Variants in SPOCK3 observed in about 807,000 individuals in gnomAD.
SPOCK3 encodes the protein SPARC (osteonectin), cwcv and kazal like domains proteoglycan 3, also known as testican-3.
A neutral mutation model predicts 56.6 loss-of-function variants in SPOCK3; 30 were observed. The observed-to-expected ratio is 0.53, with a 90% CI of 0.40 to 0.72. The LOEUF (loss-of-function observed/expected upper bound fraction) is 0.72. SPOCK3 is among the 30% of genes least tolerant of loss of function. The pLI, the probability that SPOCK3 is intolerant of heterozygous loss-of-function variation, is 0.00. For missense variants in SPOCK3, 527 were observed against 530.0 expected (o/e 0.99, Z 0.06); for synonymous variants, 196 against 183.3 (o/e 1.07, Z -0.56).
chr4:167,121,385 T>A (rs1761851924), intron 2 of SPOCK3, among the ~76,000 whole-genome samples: 1 of 151,990 alleles, frequency 6.6e-6, no homozygotes, highest in Non-Finnish European at 1.5e-5. Context: ...TCAATTGTAT[T>A]TTCCCTTGAG....
chr4:166,747,081 C>T (rs1354869111), intron 8 of SPOCK3, among the ~76,000 whole-genome samples: 1 of 55,450 alleles, frequency 1.8e-5, no homozygotes, highest in African/African-American at 6.7e-5. Flanking sequence ...ACCATTCCTT[C>T]TGAAACTATT....
chr4:167,067,505 A>G (rs1044206518), intron 2 of SPOCK3, among the ~76,000 whole-genome samples: 2 of 151,874 alleles, frequency 1.3e-5, no homozygotes, highest in African/African-American at 4.8e-5. Context: ...TTCTAAGCAA[A>G]TATGACAGTC....
intron 2 of SPOCK3, among the ~76,000 whole-genome samples, chr4:167,222,219 G>A (rs1735991841): frequency 1.3e-5 from 2 of 151,942 alleles, no homozygotes. Flanking sequence ...AAATACTGTT[G>A]TTCCACCTAT....
intron 6 of SPOCK3, among the ~76,000 whole-genome samples, chr4:166,874,870 C>T (rs2126959005): frequency 6.6e-6 from 1 of 152,204 alleles, no homozygotes; most frequent in East Asian, 1.9e-4. Flanking sequence ...TTTGCCTGAC[C>T]TAGTTAAGTA....
chr4:166,912,443 C>A (rs1350145168), intron 5 of SPOCK3, among the ~76,000 whole-genome samples, 177 bp downstream of exon 5: 1 of 150,816 alleles, frequency 6.6e-6, no homozygotes, highest in African/African-American at 2.4e-5. Context: ...CTTAAAAATT[C>A]TGATATAGAA....
rs183235456 is a variant in SPOCK3, at chr4:167,197,616, A to G, written c.189+36369T>C. Among the ~76,000 whole-genome samples, 1,430 of 152,224 alleles carry G rather than the reference A, an allele frequency of 9.4e-3. 15 individuals are homozygous for G. The highest frequency in any genetic ancestry group is 0.013 in the Non-Finnish European group (892 of 68,018). ...TCTTCATTGCCTTCAACCAGAAAAA[A>G]AAAAAATCCCACAAAAGTGGGAATA... On this transcript the variant is annotated intron_variant, in intron 2 of 10. Transcript: ENST00000357545.
chr4:167,050,236 C>G (rs892395674), intron 3 of SPOCK3, among the ~76,000 whole-genome samples: 1 of 152,100 alleles, frequency 6.6e-6, no homozygotes, highest in African/African-American at 2.4e-5. Flanking sequence ...ACTCTTTCTA[C>G]ACAAAATTCT....
At chr4:166,869,081 C>T (rs191733455) in intron 6 of SPOCK3, among the ~76,000 whole-genome samples, 1 of 149,762 alleles carries the variant, frequency 6.7e-6, no homozygotes, top group South Asian at 2.1e-4. Flanking sequence ...CAAAGCTGCT[C>T]CCAGGCTAAT....
chr4:166,777,835 C>G (rs1739738177), intron 7 of SPOCK3, among the ~76,000 whole-genome samples: 1 of 152,076 alleles, frequency 6.6e-6, no homozygotes, highest in Admixed American at 6.6e-5. Flanking sequence ...TTGGGTTTTC[C>G]CTCTCAACCA....
chr4:167,231,955 C>G (rs940257934), intron 2 of SPOCK3, among the ~76,000 whole-genome samples: 6 of 152,062 alleles, frequency 3.9e-5, no homozygotes, highest in African/African-American at 1.4e-4. Flanking sequence ...GTTGCATATA[C>G]TTCAAAACAG....
chr4:167,182,737 C>T (rs1217146547), intron 2 of SPOCK3, among the ~76,000 whole-genome samples: 1 of 152,074 alleles, frequency 6.6e-6, no homozygotes, highest in Non-Finnish European at 1.5e-5. Flanking sequence ...AGGGTTTCAC[C>T]ATATTAGTTA....
At chr4:167,162,770 T>G (rs1765430368) in intron 2 of SPOCK3, among the ~76,000 whole-genome samples, 12 of 152,060 alleles carry the variant, frequency 7.9e-5, no homozygotes. Context: ...TCTCGACTTT[T>G]TTTTATATGA....
At chr4:166,862,437 T>C (rs768074326) in intron 6 of SPOCK3, among the ~76,000 whole-genome samples, 3 of 152,062 alleles carry the variant, frequency 2.0e-5, no homozygotes, top group Admixed American at 6.6e-5. Context: ...ACAAGTGACA[T>C]GACATTGAGA....
chr4:167,165,557 C>A (rs2150451781), intron 2 of SPOCK3, among the ~76,000 whole-genome samples: 1 of 152,036 alleles, frequency 6.6e-6, no homozygotes, highest in East Asian at 1.9e-4. Flanking sequence ...TCAGGATCAC[C>A]AATTCTAAAC....
chr4:166,907,328 T>C (rs988035362), intron 5 of SPOCK3, among the ~76,000 whole-genome samples: 2 of 151,978 alleles, frequency 1.3e-5, no homozygotes, highest in Non-Finnish European at 2.9e-5. Context: ...GGGGTGGAGG[T>C]ATCCTGGAGC....
Position 166,792,182 on chromosome 4 carries a change from G to T in SPOCK3, c.697C>A (p.Pro233Thr). Residue 233 changes from proline to threonine, a missense_variant, in exon 7 of 11, where the codon CCT (proline) becomes ACT (threonine). Physicochemically the swap from Pro to Thr is conservative, Grantham distance 38. Transcript: ENST00000357545. ...TTAGAAATCTTACTGCTTCTCTCAGGCCTCAGCAATGTTTTTGTCTTCTTG... is the reference window on the plus strand; with the variant it reads ...TTAGAAATCTTACTGCTTCTCTCAGTCCTCAGCAATGTTTTTGTCTTCTTG... ...QNKKTKTLLR[P>T]ERSRFDTSIL... 6.2e-7 allele frequency: 1 copy of T among 1,613,694 alleles called. No homozygotes were observed. Among genetic ancestry groups the T allele is most frequent in the Non-Finnish European group, 8.5e-7 (1 of 1,179,772 alleles).
chr4:166,919,008 C>G (rs569305271), intron 4 of SPOCK3, among the ~76,000 whole-genome samples: 1 of 152,262 alleles, frequency 6.6e-6, no homozygotes, highest in East Asian at 1.9e-4. Flanking sequence ...TGAGTGGAAG[C>G]ACTCTGGGGC....
At chr4:166,745,947 T>A (rs919204297) in intron 8 of SPOCK3, among the ~76,000 whole-genome samples, 1 of 152,164 alleles carries the variant, frequency 6.6e-6, no homozygotes, top group Non-Finnish European at 1.5e-5. Flanking sequence ...CTATCCTAAA[T>A]ATATATGAAC....
chr4:166,737,346 A>T, intron 10 of SPOCK3, 121 bp downstream of exon 10: 1 of 1,061,604 alleles, frequency 9.4e-7, no homozygotes, highest in Non-Finnish European at 1.3e-6. Flanking sequence ...CCTCCACCCT[A>T]GATATTCTAC....
Sources: gnomAD v4.1 joint callset for allele counts (sites outside exome capture counted in the v4.1 genomes callset) on GRCh38, gnomAD v4.1.1 for gene constraint, MANE v1.5 for transcripts, NCBI Gene and HGNC (gene_info 2026-07-23, HGNC 2026-07-21) for gene names.